The following SGCD variants were observed in gnomAD, a reference collection of about 807,000 sequenced individuals.
SGCD encodes the protein delta-sarcoglycan.
Under a neutral mutation model 36.6 loss-of-function variants are expected in SGCD, and 18 were observed. The observed-to-expected ratio is 0.49, with a 90% CI of 0.34 to 0.73. SGCD has a LOEUF of 0.73. SGCD is among the 30% of genes least tolerant of loss of function. SGCD has a pLI of 0.01. For synonymous variants in SGCD, 133 were observed against 130.6 expected (o/e 1.02, Z -0.12); for missense variants, 387 against 346.7 (o/e 1.12, Z -0.92).
At chr5:156,607,098 G>A (rs1761502193) in intron 6 of SGCD, among the ~76,000 whole-genome samples, 1 of 152,176 alleles carries the variant, frequency 6.6e-6, no homozygotes, top group African/African-American at 2.4e-5. Flanking sequence ...TAGGAGTGGT[G>A]AGAGAGGGCA....
the SGCD span, among the ~76,000 whole-genome samples, chr5:155,749,426 G>A: frequency 1.3e-5 from 2 of 152,118 alleles, no homozygotes; most frequent in Non-Finnish European, 2.9e-5. Context: ...CAGTTGATTC[G>A]GTTTTGAACT....
the SGCD span, among the ~76,000 whole-genome samples, chr5:155,806,353 C>T: frequency 6.6e-6 from 1 of 152,152 alleles, no homozygotes; most frequent in East Asian, 1.9e-4. Context: ...CAGGGTTTCA[C>T]CATTTTGGCC....
At chr5:155,982,249 G>A (rs1758243921) in intron 1 of SGCD, among the ~76,000 whole-genome samples, 1 of 152,078 alleles carries the variant, frequency 6.6e-6, no homozygotes, top group African/African-American at 2.4e-5. Context: ...ATGAGGGCAG[G>A]GCTTTGTCTA....
At chr5:156,297,936 A>G (rs1181360168) in intron 3 of SGCD, among the ~76,000 whole-genome samples, 1 of 151,652 alleles carries the variant, frequency 6.6e-6, no homozygotes, top group Non-Finnish European at 1.5e-5. Flanking sequence ...CAATCCCACA[A>G]TTACCCTTCC....
At chr5:156,463,745 A>C (rs552192648) in intron 3 of SGCD, among the ~76,000 whole-genome samples, 1 of 152,288 alleles carries the variant, frequency 6.6e-6, no homozygotes, top group Admixed American at 6.5e-5. Context: ...TAGTAATCCC[A>C]ACACTTTGGG....
chr5:156,628,303 G>C (rs1314706950), intron 6 of SGCD, among the ~76,000 whole-genome samples: 2 of 152,158 alleles, frequency 1.3e-5, no homozygotes, highest in Non-Finnish European at 2.9e-5. Flanking sequence ...CATGAGATTT[G>C]GGTGGGGACA....
chr5:155,827,932 C>T, the SGCD span, among the ~76,000 whole-genome samples: 1 of 149,892 alleles, frequency 6.7e-6, no homozygotes, highest in Non-Finnish European at 1.5e-5. Context: ...CTCAGGTGAT[C>T]CACCTGCCTC....
In SGCD at chr5:156,765,093, C is replaced by A. The variant is rs1488835815; in HGVS notation, c.*5703C>A. 6.6e-6 allele frequency: 1 copy of A among 152,110 alleles called. No homozygotes were observed. Among genetic ancestry groups the A allele is most frequent in the Admixed American group, 6.5e-5 (1 of 15,272 alleles). 9.4% of individuals were successfully genotyped at this position (152,110 alleles called of 1,614,324 possible). On this transcript the variant is annotated 3_prime_UTR_variant, in exon 9 of 9. Transcript: ENST00000337851. ...CTTAATAACACAAATATGAGGCCGA[C>A]TTCTTTGCGAGAAGAGAAAAGAAAA...
intron 1 of SGCD, among the ~76,000 whole-genome samples, chr5:155,875,543 G>A (rs1755746607): frequency 1.3e-5 from 2 of 151,736 alleles, no homozygotes; most frequent in East Asian, 3.9e-4. Flanking sequence ...AACTTGTGAT[G>A]TTTCTCTAGG....
At chr5:156,512,062 C>T (rs1054947306) in intron 4 of SGCD, among the ~76,000 whole-genome samples, 3 of 151,862 alleles carry the variant, frequency 2.0e-5, no homozygotes, top group Admixed American at 6.6e-5. Context: ...GACACGGTGG[C>T]GGGCAGCTGT....
At chr5:156,249,717 T>TAA (rs5872456) in intron 3 of SGCD, among the ~76,000 whole-genome samples, 89 of 144,258 alleles carry the variant, frequency 6.2e-4, no homozygotes, top group Admixed American at 1.4e-3. Context: ...AAGGTTATTG[T>TAA]AAAAAAAAAA....
chr5:156,668,273 C>A (rs983610329), intron 7 of SGCD, among the ~76,000 whole-genome samples: 1 of 152,182 alleles, frequency 6.6e-6, no homozygotes, highest in African/African-American at 2.4e-5. Context: ...GACTAGTTAA[C>A]CCAAATATTT....
At chr5:156,231,504 C>G (rs1765017692) in intron 3 of SGCD, among the ~76,000 whole-genome samples, 1 of 152,072 alleles carries the variant, frequency 6.6e-6, no homozygotes, top group Non-Finnish European at 1.5e-5. Flanking sequence ...CCACTGCACT[C>G]TATCCTGGGC....
chr5:155,833,067 A>AAG, the SGCD span, among the ~76,000 whole-genome samples: 3 of 137,686 alleles, frequency 2.2e-5, no homozygotes, highest in African/African-American at 8.0e-5. Flanking sequence ...AAAAAAAAAA[A>AAG]AAAAGAAAAA....
intron 1 of SGCD, among the ~76,000 whole-genome samples, chr5:156,024,591 G>C (rs1759184479): frequency 6.6e-6 from 1 of 151,944 alleles, no homozygotes; most frequent in Non-Finnish European, 1.5e-5. Context: ...TCCAGTTATG[G>C]TTCCTGGAAA....
At chr5:156,106,230 A>G (rs989999576) in intron 1 of SGCD, among the ~76,000 whole-genome samples, 12 of 151,878 alleles carry the variant, frequency 7.9e-5, no homozygotes, top group Admixed American at 5.3e-4. Context: ...GGACCTCAAA[A>G]CCAGAATTGA....
intron 6 of SGCD, among the ~76,000 whole-genome samples, chr5:156,641,844 T>C (rs1763038412): frequency 6.6e-6 from 1 of 152,184 alleles, no homozygotes; most frequent in Non-Finnish European, 1.5e-5. Flanking sequence ...CTACCAATCA[T>C]ATGATCCCAT....
chr5:155,843,088 T>C, the SGCD span, among the ~76,000 whole-genome samples: 1 of 152,156 alleles, frequency 6.6e-6, no homozygotes, highest in Non-Finnish European at 1.5e-5. Flanking sequence ...CAAGAGCGGG[T>C]GCTGGTCAAA....
chr5:155,859,765 G>A, the SGCD span, among the ~76,000 whole-genome samples: 1 of 152,118 alleles, frequency 6.6e-6, no homozygotes, highest in African/African-American at 2.4e-5. Flanking sequence ...TAGTGTTCAG[G>A]GAGCCTAGAA....
Sources: allele counts gnomAD v4.1 joint callset (sites outside exome capture counted in the v4.1 genomes callset), GRCh38; gene constraint gnomAD v4.1.1; transcripts MANE v1.5; gene names NCBI Gene and HGNC (gene_info 2026-07-23, HGNC 2026-07-21).